Variants in FHOD3 observed in about 807,000 individuals in gnomAD.
FHOD3 encodes the protein FH1/FH2 domain-containing protein 3.
FHOD3 carries 90 observed loss-of-function variants against 173.0 expected under a neutral mutation model. That is an observed-to-expected ratio of 0.52 (90% CI 0.44 to 0.62). FHOD3 has a LOEUF of 0.62. Among genes scored for constraint, FHOD3 ranks in the 20% least tolerant of loss-of-function variants. The pLI, the probability that FHOD3 is intolerant of heterozygous loss-of-function variation, is 0.00. For synonymous variants in FHOD3, 828 were observed against 823.0 expected, an observed-to-expected ratio of 1.01 and a Z score of -0.10; for missense variants, 1,945 against 2,034.7, an observed-to-expected ratio of 0.96 and a Z score of 0.85.
intron 1 of FHOD3, among the ~76,000 whole-genome samples, chr18:36,339,755 G>A (rs1325016927): frequency 6.6e-6 from 1 of 152,224 alleles, no homozygotes; most frequent in Non-Finnish European, 1.5e-5. Flanking sequence ...CATATGTCCA[G>A]TGAGTATCCC....
At chr18:36,696,351 A>T (rs1161879178) in intron 17 of FHOD3, among the ~76,000 whole-genome samples, 2 of 152,230 alleles carry the variant, frequency 1.3e-5, no homozygotes. Context: ...TTATATTTAC[A>T]AGAAAAGGAA....
chr18:36,361,685 CAAAA>C (rs539956783), intron 2 of FHOD3, among the ~76,000 whole-genome samples: 2 of 66,902 alleles, frequency 3.0e-5, no homozygotes, highest in Non-Finnish European at 7.0e-5. Context: ...GACTCCGTCT[CAAAA>C]AAAAAAAAAA....
intron 5 of FHOD3, among the ~76,000 whole-genome samples, chr18:36,537,260 C>T (rs536611933): frequency 2.6e-5 from 4 of 152,308 alleles, no homozygotes; most frequent in Admixed American, 6.5e-5. Flanking sequence ...TGTTGCTGTT[C>T]GCCACATACT....
intron 27 of FHOD3, among the ~76,000 whole-genome samples, chr18:36,766,900 T>A (rs1600635355): frequency 6.6e-6 from 1 of 152,186 alleles, no homozygotes; most frequent in Non-Finnish European, 1.5e-5. Flanking sequence ...TAGAAGGTAT[T>A]TCGGCATTTT....
At chr18:36,610,700 T>C (rs972686343) in intron 8 of FHOD3, among the ~76,000 whole-genome samples, 2 of 152,212 alleles carry the variant, frequency 1.3e-5, no homozygotes, top group Non-Finnish European at 2.9e-5. Flanking sequence ...AGCCCCAAGA[T>C]AGAAGTGTTA....
At chr18:36,578,769 T>G (rs189379689) in intron 6 of FHOD3, among the ~76,000 whole-genome samples, 2 of 152,310 alleles carry the variant, frequency 1.3e-5, no homozygotes, top group East Asian at 3.9e-4. Flanking sequence ...CTTGTGTGGT[T>G]GGAAGGGCTT....
At chr18:36,301,562 T>C (rs576335747) in intron 1 of FHOD3, among the ~76,000 whole-genome samples, 17 of 152,228 alleles carry the variant, frequency 1.1e-4, no homozygotes, top group Non-Finnish European at 2.5e-4. Context: ...ATGTTCTAGG[T>C]TGGGCTAAGC....
chr18:36,545,926 C>G (rs2057392949), intron 5 of FHOD3, among the ~76,000 whole-genome samples: 1 of 152,218 alleles, frequency 6.6e-6, no homozygotes, highest in South Asian at 2.1e-4. Context: ...ATGCAGCTAA[C>G]AGAGCTAGCA....
chr18:36,633,702 A>G (rs1055500617), intron 10 of FHOD3, among the ~76,000 whole-genome samples: 1 of 152,178 alleles, frequency 6.6e-6, no homozygotes, highest in Non-Finnish European at 1.5e-5. Flanking sequence ...AATCTATAGA[A>G]TGTGTTCAGT....
chr18:36,540,128 G>A (rs1176896656), intron 5 of FHOD3, among the ~76,000 whole-genome samples: 1 of 152,168 alleles, frequency 6.6e-6, no homozygotes, highest in African/African-American at 2.4e-5. Context: ...ATATTAGACA[G>A]GTTTGTAGGG....
chr18:36,727,120 T>A (rs1407028294), intron 19 of FHOD3, among the ~76,000 whole-genome samples: 1 of 151,628 alleles, frequency 6.6e-6, no homozygotes, highest in Non-Finnish European at 1.5e-5. Flanking sequence ...AATGGAGAAG[T>A]ATGGATGGGG....
At chr18:36,575,974 A>T (rs1331026786) in intron 5 of FHOD3, among the ~76,000 whole-genome samples, 1 of 152,190 alleles carries the variant, frequency 6.6e-6, no homozygotes, top group Admixed American at 6.5e-5. Context: ...TTGCTGACCT[A>T]TTGGAATAAA....
intron 25 of FHOD3, among the ~76,000 whole-genome samples, chr18:36,756,779 G>C (rs1461239200): frequency 6.6e-6 from 1 of 152,134 alleles, no homozygotes; most frequent in African/African-American, 2.4e-5. Flanking sequence ...AAGTGCTCAG[G>C]TCACTTTTGT....
intron 5 of FHOD3, among the ~76,000 whole-genome samples, chr18:36,562,409 C>A (rs755750567): frequency 6.6e-6 from 1 of 152,204 alleles, no homozygotes; most frequent in African/African-American, 2.4e-5. Flanking sequence ...AAGTAAGGGA[C>A]TGTCTTGTTT....
intron 10 of FHOD3, among the ~76,000 whole-genome samples, chr18:36,629,154 T>C (rs1223766545): frequency 6.6e-6 from 1 of 152,172 alleles, no homozygotes; most frequent in Non-Finnish European, 1.5e-5. Context: ...TAGTGCCACG[T>C]GCCTCAGCAG....
At chr18:36,634,813 G>A (rs1453211696) in intron 10 of FHOD3, among the ~76,000 whole-genome samples, 2 of 149,844 alleles carry the variant, frequency 1.3e-5, no homozygotes, top group South Asian at 2.1e-4. Context: ...AAGCATTCAC[G>A]GATATTACTC....
In FHOD3 at chr18:36,742,914, G is replaced by A. The variant is rs147978397; in HGVS notation, c.3879+58G>A. ...CCCCTTGTCACAAAATCCCTGCCCA[G>A]CAATTGCTGATGAAGGTTGTACCTC... On this transcript the variant is annotated intron_variant, in intron 22 of 28. Coordinates refer to ENST00000590592, the MANE Select transcript of FHOD3 (RefSeq NM_001281740.3). The A allele has an allele frequency of 2.6e-3, 4,131 of 1,571,788 alleles. 15 individuals are homozygous for A. Among genetic ancestry groups the A allele is most frequent in the Non-Finnish European group, 3.0e-3 (3,436 of 1,161,056 alleles).
chr18:36,603,713 A>G, intron 8 of FHOD3, among the ~76,000 whole-genome samples: 1 of 152,114 alleles, frequency 6.6e-6, no homozygotes, highest in East Asian at 1.9e-4. Context: ...CATATTGGCC[A>G]GGCTGGTCTT....
At chr18:36,365,888 C>A (rs1363802521) in intron 2 of FHOD3, among the ~76,000 whole-genome samples, 1 of 152,118 alleles carries the variant, frequency 6.6e-6, no homozygotes. Flanking sequence ...GATGAGAGAA[C>A]CAGACTGGCC....
Sources: gnomAD v4.1 joint callset for allele counts (sites outside exome capture counted in the v4.1 genomes callset) on GRCh38, gnomAD v4.1.1 for gene constraint, MANE v1.5 for transcripts, NCBI Gene and HGNC (gene_info 2026-07-23, HGNC 2026-07-21) for gene names.